Variants in RBBP8NL observed in about 807,000 individuals in gnomAD.
The protein encoded by RBBP8NL is RBBP8 N-terminal-like protein.
In RBBP8NL, 59 loss-of-function variants were observed where a neutral mutation model predicts 62.2. The ratio of observed to expected loss-of-function variants is 0.95; its 90% CI spans 0.77 to 1.18. The LOEUF is 1.18. Among genes scored for constraint, RBBP8NL ranks in the 50% most tolerant of loss-of-function variants. The pLI is 0.00. For synonymous variants in RBBP8NL, 412 were observed against 394.1 expected, an observed-to-expected ratio of 1.05 and a Z score of -0.54; for missense variants, 896 against 899.5, an observed-to-expected ratio of 1.00 and a Z score of 0.05.
Position 62,416,163 on chromosome 20 carries a change from C to A in RBBP8NL, c.386+1G>T. 1 of 1,611,576 alleles carries A rather than the reference C, an allele frequency of 6.2e-7. No individual in the cohort carries two copies. The highest frequency in any genetic ancestry group is 8.5e-7 in the Non-Finnish European group (1 of 1,179,108). On this transcript the variant is annotated splice_donor_variant, in intron 6 of 13. Transcript: ENST00000252998. LOFTEE classifies it high-confidence loss of function. ...GAGCCCTGGGACCCTTTCCCACTCACCCCAGGCCCCGAAGCCGCTTCACCT... is the reference window on the plus strand; with the variant it reads ...GAGCCCTGGGACCCTTTCCCACTCAACCCAGGCCCCGAAGCCGCTTCACCT...
chr20:62,417,670 C>A (rs1988606506), intron 3 of RBBP8NL, among the ~76,000 whole-genome samples: 1 of 104,066 alleles, frequency 9.6e-6, no homozygotes, highest in Non-Finnish European at 1.9e-5. Context: ...CGCACCCCCC[C>A]CAGTCATCTG....
chr20:62,419,683 TGGGG>T lies in RBBP8NL; in HGVS notation c.-40_-37del. 1 of 1,608,082 alleles carries T rather than the reference TGGGG, an allele frequency of 6.2e-7. No homozygotes were observed. The highest frequency in any genetic ancestry group is 1.1e-5 in the South Asian group (1 of 91,002). On this transcript the variant is annotated 5_prime_UTR_variant, in exon 2 of 14. Coordinates refer to ENST00000252998, the MANE Select transcript of RBBP8NL (RefSeq NM_080833.3). ...GGCCCTGGCCCGGGCCCCTCTGCGC[TGGGG>T]TTGTGGAGACGCCTGCAGCCTCTAC...
Position 62,415,575 on chromosome 20 carries a change from T to C in RBBP8NL, c.627+3A>G. ...ATGGTGGGCTCCCGGTCCCTGCCCT[T>C]ACCATGTCTGGGGCTCGCGACTCAG... On this transcript the variant is annotated splice_donor_region_variant and intron_variant, in intron 8 of 13. Coordinates refer to ENST00000252998, the MANE Select transcript of RBBP8NL (RefSeq NM_080833.3). 6.2e-7 allele frequency: 1 copy of C among 1,612,602 alleles called. No individual in the cohort carries two copies. Among genetic ancestry groups the C allele is most frequent in the Non-Finnish European group, 8.5e-7 (1 of 1,179,806 alleles).
intron 13 of RBBP8NL, among the ~76,000 whole-genome samples, chr20:62,411,628 G>A (rs879394799): frequency 1.2e-4 from 18 of 152,250 alleles, no homozygotes; most frequent in Non-Finnish European, 1.8e-4. Context: ...CACTAGGCAC[G>A]AGGATGCTGG....
rs1045789391 is a variant in RBBP8NL, at chr20:62,413,704, G to A, written c.1530+117C>T. ...GATGAGGCAGCCTCGCTTTCTCCCT[G>A]GGAAACAACTTGGTGGGCAGAGGGA... On this transcript the variant is annotated intron_variant, in intron 10 of 13. Transcript: ENST00000252998. 34 of 1,429,588 alleles carry A rather than the reference G, an allele frequency of 2.4e-5. No individual in the cohort carries two copies. The African/African-American group carries it at 4.4e-4, about 19-fold the overall frequency. 88.6% of individuals were successfully genotyped at this position (1,429,588 alleles called of 1,614,324 possible). A position where few individuals can be genotyped will look rare whatever the true frequency, so the allele number is the denominator to read the frequency against.
At chr20:62,425,542 C>T (rs1277517130) in intron 1 of RBBP8NL, among the ~76,000 whole-genome samples, 1 of 152,232 alleles carries the variant, frequency 6.6e-6, no homozygotes, top group African/African-American at 2.4e-5. Context: ...CGGCCGAGTG[C>T]CAAAACCCAC....
In RBBP8NL at chr20:62,415,183, T is replaced by TG. The variant is rs911565599; in HGVS notation, c.731dup (p.Pro245ThrfsTer14). 1 of 1,530,292 alleles carries TG rather than the reference T, an allele frequency of 6.5e-7. No homozygotes were observed. The highest frequency in any genetic ancestry group is 2.0e-5 in the Admixed American group (1 of 49,482). 94.8% of individuals were successfully genotyped at this position (1,530,292 alleles called of 1,614,324 possible). A position where few individuals can be genotyped will look rare whatever the true frequency, so the allele number is the denominator to read the frequency against. On this transcript the variant is annotated frameshift_variant, in exon 9 of 14. Coordinates refer to ENST00000252998, the MANE Select transcript of RBBP8NL (RefSeq NM_080833.3). LOFTEE classifies it high-confidence loss of function. ...GTGGGCTGCTCCTGGCGGGCAGTGG[T>TG]GGGGGCGTCCCATTGGCGGGGCCTC...
intron 1 of RBBP8NL, among the ~76,000 whole-genome samples, chr20:62,421,428 A>G (rs6089226): frequency 0.66 from 93,907 of 143,124 alleles, 30,310 homozygotes; most frequent in African/African-American, 0.75. Flanking sequence ...TGTGCCGTGT[A>G]TGCGTGATTG....
In RBBP8NL at chr20:62,414,390, C is replaced by T. The variant is rs974305299; in HGVS notation, c.961G>A (p.Asp321Asn). 4 of 1,539,878 alleles carry T rather than the reference C, an allele frequency of 2.6e-6. No homozygotes were observed. The highest frequency in any genetic ancestry group is 2.6e-6 in the Non-Finnish European group (3 of 1,137,178). The change falls in exon 10 of 14, where the codon GAC becomes AAC. Residue 321 changes from aspartate (D) to asparagine (N), a missense_variant. Physicochemically the swap from Asp to Asn is conservative, Grantham distance 23 (BLOSUM62 1). Coordinates refer to ENST00000252998, the MANE Select transcript of RBBP8NL (RefSeq NM_080833.3). Reference protein sequence around the residue: ...AAAPSDPRLQDLKAREAEAWE... With the variant: ...AAAPSDPRLQNLKAREAEAWE... Reference sequence around the variant, plus strand: ...GCCTCTGCTTCTCTGGCCTTCAGGTCCTGGAGCCGGGGGTCGCTGGGGGCT... The same window carrying T: ...GCCTCTGCTTCTCTGGCCTTCAGGTTCTGGAGCCGGGGGTCGCTGGGGGCT...
intron 5 of RBBP8NL, among the ~76,000 whole-genome samples, 171 bp downstream of exon 5, chr20:62,416,589 G>A (rs370798915): frequency 4.6e-5 from 7 of 152,318 alleles, no homozygotes; most frequent in African/African-American, 1.4e-4. Flanking sequence ...CCACACCAGC[G>A]CCGGCTGGGG....
intron 1 of RBBP8NL, among the ~76,000 whole-genome samples, chr20:62,426,516 C>T (rs552578076): frequency 6.6e-6 from 1 of 152,256 alleles, no homozygotes; most frequent in Non-Finnish European, 1.5e-5. Flanking sequence ...GACACTGAGG[C>T]TTGAAGCAGA....
chr20:62,413,298 T>A, intron 11 of RBBP8NL, 103 bp downstream of exon 11: 1 of 1,317,728 alleles, frequency 7.6e-7, no homozygotes, highest in Non-Finnish European at 9.9e-7. Flanking sequence ...AGGGCAGAGC[T>A]GGGCCTGGAG....
chr20:62,423,872 C>T (rs544790786), intron 1 of RBBP8NL, among the ~76,000 whole-genome samples: 2 of 152,264 alleles, frequency 1.3e-5, no homozygotes, highest in African/African-American at 4.8e-5. Context: ...AGACCCGCAC[C>T]CGCAGCCTTG....
In RBBP8NL at chr20:62,410,902, G is replaced by A. The variant is rs1355763367; in HGVS notation, c.1971C>T (p.Asn657=). The A allele has an allele frequency of 7.4e-6, 12 of 1,613,054 alleles. No homozygotes were observed. The highest frequency in any genetic ancestry group is 1.3e-5 in the African/African-American group (1 of 75,046). Residue 657 remains asparagine (N), a synonymous_variant, in exon 14 of 14, where the codon AAC becomes AAT. Coordinates refer to ENST00000252998, the MANE Select transcript of RBBP8NL (RefSeq NM_080833.3). ...GCTAGGTCTCCTCCCAGGGGCTGCTGTTGGGGGAGGGACTGTGGTCCTCGG... is the reference window on the plus strand; with the variant it reads ...GCTAGGTCTCCTCCCAGGGGCTGCTATTGGGGGAGGGACTGTGGTCCTCGG... The part of the protein sequence containing the change: ...RDAEDHSPSP[N]SSPWEET
At chr20:62,426,835 C>T (rs528745232) in intron 1 of RBBP8NL, among the ~76,000 whole-genome samples, 24 of 152,368 alleles carry the variant, frequency 1.6e-4, no homozygotes, top group Middle Eastern at 6.8e-3. Flanking sequence ...AGGAGCCAGC[C>T]GAGGTGTCCC....
In RBBP8NL at chr20:62,412,648, GC is replaced by G; in HGVS notation, c.1851del (p.Lys617AsnfsTer21). On this transcript the variant is annotated frameshift_variant, in exon 13 of 14. Coordinates refer to ENST00000252998, the MANE Select transcript of RBBP8NL (RefSeq NM_080833.3). LOFTEE classifies it low-confidence loss of function (END_TRUNC). The stretch of plus-strand genomic sequence containing the variant: ...CCTTTGTCCCCAGGCTCCGAGGCCC[GC>G]TTCCTCTTCCGTGGTGGACCCTGCC... Reference protein sequence around the residue: ...EHGQGPPRKRKRASEPGDKAS... With the variant: ...EHGQGPPRKRXRASEPGDKAS... 1 of 1,606,290 alleles carries G rather than the reference GC, an allele frequency of 6.2e-7. No individual in the cohort carries two copies. Among genetic ancestry groups the G allele is most frequent in the Non-Finnish European group, 8.5e-7 (1 of 1,179,878 alleles).
Position 62,410,774 on chromosome 20 carries a change from T to A in RBBP8NL, c.*104A>T. 1.3e-6 allele frequency: 1 copy of A among 762,010 alleles called. No individual in the cohort carries two copies. The allele number at this position is 762,010 out of a possible 1,614,324, so 47.2% of individuals were successfully genotyped here. A position where few individuals can be genotyped will look rare whatever the true frequency, so the allele number is the denominator to read the frequency against. On this transcript the variant is annotated 3_prime_UTR_variant, in exon 14 of 14. Coordinates refer to ENST00000252998, the MANE Select transcript of RBBP8NL (RefSeq NM_080833.3). ...AGGCTGGCTAGGTCTTCTCCCAGGG[T>A]TCTGTGCAGGGCTGCCTGCTGGTTG...
At chr20:62,413,167 A>G (rs1988474072) in intron 11 of RBBP8NL, among the ~76,000 whole-genome samples, 1 of 152,254 alleles carries the variant, frequency 6.6e-6, no homozygotes, top group African/African-American at 2.4e-5. Flanking sequence ...CTAATTGCTA[A>G]GGTGCTTTTC....
intron 1 of RBBP8NL, among the ~76,000 whole-genome samples, chr20:62,421,174 G>A (rs530639627): frequency 8.8e-4 from 134 of 152,386 alleles, no homozygotes; most frequent in African/African-American, 3.0e-3. Context: ...CTTCTTCACC[G>A]GGTGGCTTGT....
Sources: allele counts gnomAD v4.1 joint callset (sites outside exome capture counted in the v4.1 genomes callset), GRCh38; gene constraint gnomAD v4.1.1; transcripts MANE v1.5; gene names NCBI Gene and HGNC (gene_info 2026-07-23, HGNC 2026-07-21).